The following PPFIA1 variants were observed in gnomAD, a reference collection of about 807,000 sequenced individuals.
PPFIA1 encodes the protein liprin-alpha-1.
Under a neutral mutation model 149.9 loss-of-function variants are expected in PPFIA1, and 25 were observed. The ratio of observed to expected loss-of-function variants is 0.17; its 90% CI spans 0.12 to 0.23. The LOEUF (loss-of-function observed/expected upper bound fraction) is 0.23, where lower values mean the gene tolerates loss of function less well. Ranked by LOEUF, PPFIA1 falls within the 10% of genes least tolerant of loss-of-function variation. PPFIA1 has a pLI of 1.00. For synonymous variants in PPFIA1, 549 were observed against 552.8 expected, an observed-to-expected ratio of 0.99 and a Z score of 0.10; for missense variants, 1,362 against 1,506.5, an observed-to-expected ratio of 0.90 and a Z score of 1.59.
rs928696350 is a variant in PPFIA1, at chr11:70,362,081, C to A, written c.2583-14C>A. 1 of 1,612,412 alleles carries A rather than the reference C, an allele frequency of 6.2e-7. No homozygotes were observed. The highest frequency in any genetic ancestry group is 2.2e-5 in the East Asian group (1 of 44,870). On this transcript the variant is annotated splice_polypyrimidine_tract_variant and intron_variant, in intron 19 of 27. Transcript: ENST00000253925. Reference sequence around the variant, plus strand: ...TGGCTGATTCTTTAATTTTCAATATCTTCTCCTTTATAGGCATGAATTGCT... The same window carrying A: ...TGGCTGATTCTTTAATTTTCAATATATTCTCCTTTATAGGCATGAATTGCT...
rs1247848640 is a variant in PPFIA1 at position 70,335,547 on chromosome 11, G to T, written c.1297-16G>T. 6.2e-7 allele frequency: 1 copy of T among 1,612,212 alleles called. No homozygotes were observed. Among genetic ancestry groups the T allele is most frequent in the East Asian group, 2.2e-5 (1 of 44,830 alleles). ...ATTTACGTGAGGTTTATAAGACTTT[G>T]TTTCTCCTGCTTTAGGCAAGGCAAA... On this transcript the variant is annotated splice_polypyrimidine_tract_variant and intron_variant, in intron 10 of 27. Transcript: ENST00000253925.
intron 26 of PPFIA1, among the ~76,000 whole-genome samples, chr11:70,381,595 A>G (rs1017405171): frequency 6.6e-6 from 1 of 152,180 alleles, no homozygotes; most frequent in African/African-American, 2.4e-5. Context: ...CTGGGTAGCA[A>G]GGTTCTCTCC....
rs765828707 is a variant in PPFIA1, at chr11:70,374,958, C to G, written c.3180C>G (p.Ile1060Met). The G allele has an allele frequency of 1.2e-5, 20 of 1,612,920 alleles. No individual in the cohort carries two copies. In the Admixed American group the frequency reaches 3.3e-4, roughly 27 times the overall value. The change falls in exon 24 of 28, where the codon ATC becomes ATG. Residue 1060 changes from isoleucine to methionine, a missense_variant. Coordinates refer to ENST00000253925, the MANE Select transcript of PPFIA1 (RefSeq NM_003626.5). The stretch of plus-strand genomic sequence containing the variant: ...GCAATGATCGAGTGATTCGCTGGAT[C>G]CTGTCAATTGGCCTTAAAGAATATG... Reference protein sequence around the residue: ...VWSNDRVIRWILSIGLKEYAN... With the variant: ...VWSNDRVIRWMLSIGLKEYAN...
At chr11:70,300,011 A>G (rs932266240) in intron 2 of PPFIA1, among the ~76,000 whole-genome samples, 2 of 131,894 alleles carry the variant, frequency 1.5e-5, no homozygotes, top group Non-Finnish European at 3.2e-5. Context: ...CACCTACCCC[A>G]CAGATCTCCC....
intron 19 of PPFIA1, among the ~76,000 whole-genome samples, chr11:70,357,892 T>C (rs573877220): frequency 2.6e-5 from 4 of 152,286 alleles, no homozygotes; most frequent in African/African-American, 4.8e-5. Context: ...CAGCCAAGAA[T>C]GTTTTCAAAT....
At chr11:70,374,499 CAA>C (rs1185854416) in intron 23 of PPFIA1, 1 of 157,098 alleles carries the variant, frequency 6.4e-6, no homozygotes, top group Non-Finnish European at 1.4e-5. Flanking sequence ...TTGAATTGAG[CAA>C]AGTGTTCATA....
At chr11:70,328,024 G>A (rs1030405839) in intron 7 of PPFIA1, among the ~76,000 whole-genome samples, 15 of 152,360 alleles carry the variant, frequency 9.8e-5, no homozygotes, top group Admixed American at 5.9e-4. Flanking sequence ...TTATGTGGCA[G>A]AGATTAATAT....
chr11:70,355,979 C>T (rs1200848581), intron 18 of PPFIA1, among the ~76,000 whole-genome samples, 168 bp downstream of exon 18: 4 of 152,224 alleles, frequency 2.6e-5, no homozygotes, highest in South Asian at 4.1e-4. Context: ...TCACTTGCCA[C>T]TCAGGTACAA....
rs189289022 is a variant in PPFIA1 at position 70,329,994 on chromosome 11, G to A, written c.931-179G>A. On this transcript the variant is annotated intron_variant, in intron 7 of 27. Coordinates refer to ENST00000253925, the MANE Select transcript of PPFIA1 (RefSeq NM_003626.5). ...ACTCCTTGCCTGAAGCCATCCTCCC[G>A]CCTTAGCCTCCCAAAGTGCTGTGAT... 289 of 539,890 alleles carry A rather than the reference G, an allele frequency of 5.4e-4. No homozygotes were observed. In the East Asian group the frequency reaches 6.5e-3, roughly 12 times the overall value. 33.4% of individuals were successfully genotyped at this position (539,890 alleles called of 1,614,324 possible). A position where few individuals can be genotyped will look rare whatever the true frequency, so the allele number is the denominator to read the frequency against.
chr11:70,299,982 T>C (rs1220664026), intron 2 of PPFIA1, among the ~76,000 whole-genome samples: 1 of 152,062 alleles, frequency 6.6e-6, no homozygotes, highest in East Asian at 1.9e-4. Context: ...GGCTACCGAC[T>C]CCGTGTTTTG....
Position 70,324,387 on chromosome 11 carries a change from T to G in PPFIA1, c.265-15T>G. 1 of 1,573,922 alleles carries G rather than the reference T, an allele frequency of 6.4e-7. No individual in the cohort carries two copies. The highest frequency in any genetic ancestry group is 8.7e-7 in the Non-Finnish European group (1 of 1,150,606). Reference sequence around the variant, plus strand: ...GTCTTTCTTATTTATTTAATTTTGTTTTGTGATTTTCTAGGAGTTCGCAGC... The same window carrying G: ...GTCTTTCTTATTTATTTAATTTTGTGTTGTGATTTTCTAGGAGTTCGCAGC... On this transcript the variant is annotated splice_polypyrimidine_tract_variant and intron_variant, in intron 2 of 27. Coordinates refer to ENST00000253925, the MANE Select transcript of PPFIA1 (RefSeq NM_003626.5).
chr11:70,371,040 G>A (rs1039584812), intron 21 of PPFIA1, among the ~76,000 whole-genome samples: 1 of 152,130 alleles, frequency 6.6e-6, no homozygotes, highest in Non-Finnish European at 1.5e-5. Context: ...GGCTGAGGCC[G>A]GAGAATGACT....
At chr11:70,294,569 T>A (rs2051767648) in intron 2 of PPFIA1, among the ~76,000 whole-genome samples, 1 of 151,676 alleles carries the variant, frequency 6.6e-6, no homozygotes, top group Non-Finnish European at 1.5e-5. Flanking sequence ...TAATTTTTAT[T>A]TTTATTGATC....
chr11:70,348,055 A>T (rs1237630385), intron 15 of PPFIA1, 134 bp from the exon 16 acceptor site: 22 of 654,402 alleles, frequency 3.4e-5, no homozygotes, highest in Non-Finnish European at 5.5e-5. Context: ...TTTTTGCTGA[A>T]GTGTTCATTG....
chr11:70,362,242 A>T (rs776997047), intron 20 of PPFIA1, 46 bp from the exon 21 acceptor site: 1 of 1,613,492 alleles, frequency 6.2e-7, no homozygotes, highest in Non-Finnish European at 8.5e-7. Context: ...TCTACTTTGT[A>T]GACTGTACCT....
intron 21 of PPFIA1, chr11:70,367,450 C>T (rs1194301100): frequency 2.2e-6 from 1 of 451,250 alleles, no homozygotes; most frequent in Non-Finnish European, 4.5e-6. Flanking sequence ...ACCCATGGTC[C>T]CCCCGTCATG....
intron 26 of PPFIA1, chr11:70,381,337 A>G (rs922590007): frequency 6.6e-6 from 1 of 152,156 alleles, no homozygotes; most frequent in African/African-American, 2.4e-5. Context: ...ATTTGCAAAA[A>G]CTTAAAATCC....
rs1368644996 is a variant in PPFIA1, at chr11:70,330,249, C to T, written c.1007C>T (p.Ala336Val). ...EKRYLAAQRE[A>V]TSVHDLNDKL... ...CGCTACCTCGCTGCACAGCGTGAAG[C>T]CACATCTGTGCATGACCTCAATGAT... Residue 336 changes from alanine to valine, a missense_variant, in exon 8 of 28, where the codon GCC becomes GTC. Physicochemically the swap from Ala to Val is moderately conservative, Grantham distance 64. Coordinates refer to ENST00000253925, the MANE Select transcript of PPFIA1 (RefSeq NM_003626.5). The T allele has an allele frequency of 1.2e-6, 2 of 1,600,846 alleles. No individual in the cohort carries two copies. The highest frequency in any genetic ancestry group is 1.1e-5 in the South Asian group (1 of 88,832).
chr11:70,349,703 G>A (rs893970848), intron 16 of PPFIA1, among the ~76,000 whole-genome samples: 3 of 152,070 alleles, frequency 2.0e-5, no homozygotes, highest in African/African-American at 7.2e-5. Context: ...TTGAAATACT[G>A]TTTTTATAAT....
Sources: allele counts gnomAD v4.1 joint callset (sites outside exome capture counted in the v4.1 genomes callset), GRCh38; gene constraint gnomAD v4.1.1; transcripts MANE v1.5; gene names NCBI Gene and HGNC (gene_info 2026-07-23, HGNC 2026-07-21).